CPA6: variants seen among roughly 807,000 people sequenced by gnomAD.
CPA6 encodes the protein carboxypeptidase A6.
In CPA6, 58 loss-of-function variants were observed where a neutral mutation model predicts 63.3. The observed-to-expected ratio is 0.92, with a 90% confidence interval of 0.74 to 1.14. CPA6 has a LOEUF of 1.14. CPA6 is among the 50% of genes most tolerant of loss of function. The pLI is 0.00. For synonymous variants in CPA6, 185 were observed against 179.0 expected (o/e 1.03, Z -0.27); for missense variants, 565 against 526.6 (o/e 1.07, Z -0.71).
intron 8 of CPA6, among the ~76,000 whole-genome samples, chr8:67,436,837 C>T (rs1587423046): frequency 6.6e-6 from 1 of 152,262 alleles, no homozygotes; most frequent in African/African-American, 2.4e-5. Context: ...TGTCTCTTCC[C>T]TAACTCTAGA....
intron 1 of CPA6, among the ~76,000 whole-genome samples, chr8:67,706,676 C>A (rs1262028254): frequency 6.6e-6 from 1 of 152,074 alleles, no homozygotes; most frequent in Non-Finnish European, 1.5e-5. Context: ...TACAGTTTAT[C>A]TGTAAATTGA....
chr8:67,623,457 G>A (rs924640084), intron 2 of CPA6, among the ~76,000 whole-genome samples: 11 of 151,610 alleles, frequency 7.3e-5, no homozygotes, highest in African/African-American at 2.7e-4. Context: ...GCCCAGGCTA[G>A]AGAGCAGTGG....
At chr8:67,708,081 C>T (rs892547281) in intron 1 of CPA6, among the ~76,000 whole-genome samples, 14 of 152,186 alleles carry the variant, frequency 9.2e-5, no homozygotes, top group African/African-American at 3.1e-4. Flanking sequence ...CTTGGGACCT[C>T]ATGAGGAGAG....
intron 6 of CPA6, 67 bp downstream of exon 6, chr8:67,506,720 A>G: frequency 9.9e-7 from 1 of 1,005,624 alleles, no homozygotes; most frequent in East Asian, 2.4e-5. Context: ...CACTTTGTTA[A>G]GCAGAATAAA....
chr8:67,557,024 C>G (rs1016611665), intron 2 of CPA6, among the ~76,000 whole-genome samples: 1 of 152,182 alleles, frequency 6.6e-6, no homozygotes, highest in Admixed American at 6.5e-5. Context: ...GAGCTTTTAT[C>G]CCTAGTAAAT....
intron 1 of CPA6, among the ~76,000 whole-genome samples, chr8:67,678,242 C>T (rs945818678): frequency 6.6e-6 from 1 of 150,524 alleles, no homozygotes; most frequent in African/African-American, 2.4e-5. Flanking sequence ...CACACACACA[C>T]ACACACACAC....
chr8:67,711,266 G>A (rs889372137), intron 1 of CPA6, among the ~76,000 whole-genome samples: 1 of 152,156 alleles, frequency 6.6e-6, no homozygotes, highest in African/African-American at 2.4e-5. Flanking sequence ...TACCTATTTT[G>A]GTCTAAAGTA....
intron 8 of CPA6, among the ~76,000 whole-genome samples, chr8:67,481,243 T>A (rs1463021498): frequency 6.6e-6 from 1 of 152,240 alleles, no homozygotes; most frequent in African/African-American, 2.4e-5. Flanking sequence ...TACAGCATAT[T>A]TTAAAAAGAG....
chr8:67,439,307 G>C (rs1810234498), intron 8 of CPA6, among the ~76,000 whole-genome samples: 1 of 151,870 alleles, frequency 6.6e-6, no homozygotes, highest in African/African-American at 2.4e-5. Flanking sequence ...AAGAAAAGAG[G>C]CTGGGCATGG....
chr8:67,727,085 C>T (rs967651446), intron 1 of CPA6, among the ~76,000 whole-genome samples: 5 of 151,836 alleles, frequency 3.3e-5, no homozygotes, highest in Non-Finnish European at 1.5e-5. Context: ...TACTTTTAAT[C>T]TGATTATAAA....
intron 2 of CPA6, among the ~76,000 whole-genome samples, chr8:67,521,921 C>T (rs1563985213): frequency 1.3e-5 from 2 of 152,138 alleles, no homozygotes; most frequent in Non-Finnish European, 2.9e-5. Context: ...CTGGGCCTTG[C>T]TTTCTTCTTT....
At chr8:67,453,306 T>C (rs1810596734) in intron 8 of CPA6, among the ~76,000 whole-genome samples, 2 of 152,110 alleles carry the variant, frequency 1.3e-5, no homozygotes, top group Non-Finnish European at 2.9e-5. Context: ...ATGTATGGTG[T>C]AAGAGAAAGA....
intron 1 of CPA6, among the ~76,000 whole-genome samples, chr8:67,685,509 C>CT (rs1410523125): frequency 5.3e-5 from 8 of 152,166 alleles, no homozygotes; most frequent in African/African-American, 1.9e-4. Flanking sequence ...GTTCCAGCTA[C>CT]TAGGGAGGCT....
intron 1 of CPA6, among the ~76,000 whole-genome samples, chr8:67,682,463 T>G (rs1816618558): frequency 6.6e-6 from 1 of 152,250 alleles, no homozygotes; most frequent in Non-Finnish European, 1.5e-5. Context: ...CTATAATGAC[T>G]GGGTTAATGT....
chr8:67,427,797 A>G (rs890045960), intron 10 of CPA6, among the ~76,000 whole-genome samples: 1 of 152,146 alleles, frequency 6.6e-6, no homozygotes, highest in Non-Finnish European at 1.5e-5. Flanking sequence ...TAAGCTCTCA[A>G]ATGAGCTTGT....
At chr8:67,459,798 T>C (rs1182022031) in intron 8 of CPA6, among the ~76,000 whole-genome samples, 2 of 152,246 alleles carry the variant, frequency 1.3e-5, no homozygotes, top group African/African-American at 4.8e-5. Flanking sequence ...AAAGTATTCA[T>C]TGCATGCATG....
At chr8:67,538,697 T>C (rs1012178853) in intron 2 of CPA6, among the ~76,000 whole-genome samples, 4 of 152,104 alleles carry the variant, frequency 2.6e-5, no homozygotes, top group Non-Finnish European at 5.9e-5. Flanking sequence ...TCTTGCTCTG[T>C]TGCCGAGGCT....
chr8:67,669,188 T>C (rs1816292683), intron 1 of CPA6, among the ~76,000 whole-genome samples: 1 of 152,250 alleles, frequency 6.6e-6, no homozygotes, highest in South Asian at 2.1e-4. Context: ...CCATTTGATT[T>C]GCTCCAGTGC....
At chr8:67,610,136 A>T (rs966518230) in intron 2 of CPA6, among the ~76,000 whole-genome samples, 2 of 152,248 alleles carry the variant, frequency 1.3e-5, no homozygotes, top group Non-Finnish European at 2.9e-5. Flanking sequence ...GTGCTTCAGG[A>T]GGCTGAGGCA....
Sources: allele counts gnomAD v4.1 joint callset (sites outside exome capture counted in the v4.1 genomes callset), GRCh38; gene constraint gnomAD v4.1.1; transcripts MANE v1.5; gene names NCBI Gene and HGNC (gene_info 2026-07-23, HGNC 2026-07-21).